The following MAF variants were observed in gnomAD, a reference collection of about 807,000 sequenced individuals.
MAF encodes the protein transcription factor Maf.
A neutral mutation model predicts 22.0 loss-of-function variants in MAF; 10 were observed. The ratio of observed to expected loss-of-function variants is 0.45; its 90% CI spans 0.28 to 0.77. The LOEUF (loss-of-function observed/expected upper bound fraction) is 0.77. Among genes scored for constraint, MAF ranks in the 30% least tolerant of loss-of-function variants. The probability of loss-of-function intolerance (pLI) is 0.12; values close to 1 mark genes in which losing one functional copy is unlikely to be tolerated. For missense variants in MAF, 544 were observed against 548.4 expected (o/e 0.99, Z 0.08); for synonymous variants, 337 against 255.8 (o/e 1.32, Z -3.03).
the MAF span, chr16:79,203,560 C>T: frequency 4.0e-5 from 6 of 148,224 alleles, no homozygotes; most frequent in Admixed American, 1.4e-4. Flanking sequence ...ATGGGGCATA[C>T]GTGTAAATGA....
the MAF span, among the ~76,000 whole-genome samples, chr16:79,517,568 C>CTTTTTTTTTT: frequency 1.0e-5 from 1 of 99,784 alleles, no homozygotes; most frequent in African/African-American, 3.8e-5. Context: ...ACTGTTTAGT[C>CTTTTTTTTTT]TTTTTTTTTT....
At chr16:79,542,273 A>C in the MAF span, among the ~76,000 whole-genome samples, 216 of 152,292 alleles carry the variant, frequency 1.4e-3, 5 homozygotes, top group Admixed American at 0.013. Context: ...GCAGGAACGC[A>C]AACAGGAAAG....
the MAF span, among the ~76,000 whole-genome samples, chr16:79,538,866 AAAAGAAAAGAAAG>A: frequency 0.31 from 36,648 of 116,454 alleles, 5,375 homozygotes; most frequent in Non-Finnish European, 0.38. Flanking sequence ...AAAAGAAAAG[AAAAGAAAAGAAAG>A]AAAGAAAGAA....
At chr16:79,585,773 G>A (rs370497234), downstream of MAF, 7 of 574,310 alleles carry the variant, frequency 1.2e-5, no homozygotes, top group African/African-American at 3.8e-5. Flanking sequence ...TAAAAAGTTA[G>A]CAGCATTCCT....
the MAF span, among the ~76,000 whole-genome samples, chr16:79,415,418 G>C: frequency 6.6e-6 from 1 of 151,408 alleles, no homozygotes; most frequent in African/African-American, 2.4e-5. Flanking sequence ...AGGAAGGAGG[G>C]AAGGAAAATT....
intron 1 of MAF, chr16:79,594,988 T>G (rs565369176): frequency 9.3e-7 from 1 of 1,078,260 alleles, no homozygotes; most frequent in Non-Finnish European, 1.1e-6. Flanking sequence ...ATGAGATAAC[T>G]GCAATAACTA....
chr16:79,347,487 C>T, the MAF span, among the ~76,000 whole-genome samples: 1 of 152,220 alleles, frequency 6.6e-6, no homozygotes, highest in Non-Finnish European at 1.5e-5. Flanking sequence ...TGGGCATCTG[C>T]GACTTTTGTC....
At chr16:79,469,178 A>G in the MAF span, among the ~76,000 whole-genome samples, 1 of 152,158 alleles carries the variant, frequency 6.6e-6, no homozygotes, top group South Asian at 2.1e-4. Flanking sequence ...ATACAGTTTT[A>G]TTGGAACATA....
At chr16:79,568,101 T>C in the MAF span, among the ~76,000 whole-genome samples, 1 of 152,200 alleles carries the variant, frequency 6.6e-6, no homozygotes, top group Non-Finnish European at 1.5e-5. Flanking sequence ...TGTTTTCAAA[T>C]GTTGGGGGTG....
chr16:79,525,022 C>G, the MAF span, among the ~76,000 whole-genome samples: 2 of 152,104 alleles, frequency 1.3e-5, no homozygotes, highest in Non-Finnish European at 2.9e-5. Context: ...AAAATTGGAC[C>G]CATTCTTAGT....
the MAF span, among the ~76,000 whole-genome samples, chr16:79,269,150 C>A: frequency 5.9e-5 from 9 of 152,126 alleles, no homozygotes; most frequent in African/African-American, 2.2e-4. Context: ...TGTTTACCAC[C>A]CAAGATGTCT....
intron 1 of MAF, chr16:79,595,773 T>C: frequency 9.5e-7 from 1 of 1,056,794 alleles, no homozygotes; most frequent in Non-Finnish European, 1.1e-6. Flanking sequence ...AAATCATTAC[T>C]AGCTCATCCA....
At chr16:79,256,792 C>G in the MAF span, among the ~76,000 whole-genome samples, 1 of 152,134 alleles carries the variant, frequency 6.6e-6, no homozygotes, top group African/African-American at 2.4e-5. Flanking sequence ...CATTTTAAGC[C>G]TTAAAAATCT....
the MAF span, among the ~76,000 whole-genome samples, chr16:79,565,364 G>C: frequency 2.0e-5 from 3 of 152,232 alleles, no homozygotes; most frequent in South Asian, 4.2e-4. Flanking sequence ...TGACTACCTG[G>C]CCATTTACAG....
the MAF span, among the ~76,000 whole-genome samples, chr16:79,377,354 G>A: frequency 9.2e-5 from 14 of 152,228 alleles, no homozygotes; most frequent in East Asian, 5.8e-4. Flanking sequence ...CATATCCTTC[G>A]CCCACTTGTT....
chr16:79,473,557 A>G, the MAF span, among the ~76,000 whole-genome samples: 1 of 152,174 alleles, frequency 6.6e-6, no homozygotes, highest in Admixed American at 6.5e-5. Context: ...GAGAGGACAC[A>G]TCTACCAGCC....
chr16:79,503,834 A>T, the MAF span, among the ~76,000 whole-genome samples: 1 of 152,174 alleles, frequency 6.6e-6, no homozygotes, highest in African/African-American at 2.4e-5. Context: ...CATAATGTGT[A>T]ATTCTGTCAT....
chr16:79,333,580 T>C, the MAF span, among the ~76,000 whole-genome samples: 1 of 152,220 alleles, frequency 6.6e-6, no homozygotes, highest in African/African-American at 2.4e-5. Context: ...GGCAGAAAAT[T>C]CTATTAAAAT....
chr16:79,474,982 G>T, the MAF span, among the ~76,000 whole-genome samples: 114 of 152,332 alleles, frequency 7.5e-4, no homozygotes, highest in African/African-American at 2.1e-3. Flanking sequence ...ATGCTTTGTA[G>T]ACACTGTGCT....
Sources: allele counts gnomAD v4.1 joint callset (sites outside exome capture counted in the v4.1 genomes callset), GRCh38; gene constraint gnomAD v4.1.1; transcripts MANE v1.5; gene names NCBI Gene and HGNC (gene_info 2026-07-23, HGNC 2026-07-21).